The following ABCA1 variants were observed in gnomAD, a reference collection of about 807,000 sequenced individuals.
ABCA1 encodes phospholipid-transporting ATPase ABCA1.
Under a neutral mutation model 262.5 loss-of-function variants are expected in ABCA1, and 133 were observed. The observed-to-expected ratio is 0.51, with a 90% CI of 0.44 to 0.59. ABCA1 has a LOEUF of 0.59. Among genes scored for constraint, ABCA1 ranks in the 20% least tolerant of loss-of-function variants. ABCA1 has a pLI of 0.00. For synonymous variants in ABCA1, 1,022 were observed against 1,043.5 expected (o/e 0.98, Z 0.40); for missense variants, 2,452 against 2,777.5 (o/e 0.88, Z 2.63).
At chr9:104,794,353 C>A in intron 40 of ABCA1, 34 bp downstream of exon 40, 1 of 1,613,858 alleles carries the variant, frequency 6.2e-7, no homozygotes, top group East Asian at 2.2e-5. Context: ...GTGCCATCTC[C>A]ATTAAAGCAT....
chr9:104,857,574 G>T (rs1249551251), intron 7 of ABCA1, among the ~76,000 whole-genome samples: 1 of 152,168 alleles, frequency 6.6e-6, no homozygotes, highest in Non-Finnish European at 1.5e-5. Flanking sequence ...TATGAATCCT[G>T]AAGTGTGTTT....
chr9:104,810,035 A>G (rs966488708), intron 29 of ABCA1, among the ~76,000 whole-genome samples: 2 of 151,856 alleles, frequency 1.3e-5, no homozygotes, highest in African/African-American at 4.8e-5. Flanking sequence ...ATGTTCCACA[A>G]CTACGGGCAA....
intron 5 of ABCA1, among the ~76,000 whole-genome samples, chr9:104,866,594 G>A (rs952398146): frequency 4.0e-5 from 6 of 151,808 alleles, no homozygotes; most frequent in African/African-American, 1.5e-4. Context: ...CAATTCTCCT[G>A]CCTCAGCCTC....
chr9:104,817,393 AAC>A lies in ABCA1; in HGVS notation c.3472_3473del (p.Val1158PhefsTer6). The A allele has an allele frequency of 6.2e-7, 1 of 1,614,202 alleles. No homozygotes were observed. Among genetic ancestry groups the A allele is most frequent in the Non-Finnish European group, 8.5e-7 (1 of 1,180,038 alleles). Reference sequence around the variant, plus strand: ...GGCCAGCATCAGAACTGCTCTGAGAAACACTGTCCTCCTGATGGCAAAGAAGG... The same window carrying A: ...GGCCAGCATCAGAACTGCTCTGAGAAACTGTCCTCCTGATGGCAAAGAAGG... Reference protein sequence around the residue: ...TVSYLKKEDSVSQSSSDAGLG... With the variant: ...TVSYLKKEDSXSQSSSDAGLG... On this transcript the variant is annotated frameshift_variant, in exon 24 of 50. Transcript: ENST00000374736. LOFTEE classifies it high-confidence loss of function. The surrounding 1 kb of genome is among the most constrained non-coding windows in gnomAD (Gnocchi z 4.7).
intron 1 of ABCA1, among the ~76,000 whole-genome samples, chr9:104,913,679 C>T (rs879165615): frequency 6.6e-6 from 1 of 152,138 alleles, no homozygotes; most frequent in South Asian, 2.1e-4. Flanking sequence ...TATAAAACCC[C>T]CTCTTGGGGG....
chr9:104,784,385 T>C lies in ABCA1; in HGVS notation c.6716A>G (p.Gln2239Arg). The change falls in exon 50 of 50, where the codon CAG (glutamine) becomes CGG (arginine). Residue 2239 changes from glutamine to arginine, a missense_variant. By Grantham distance (43) the Gln-to-Arg change is conservative (BLOSUM62 1). Around this residue, in one of 4 missense-constraint regions of ABCA1, gnomAD observed 752 missense variants for 944.5 expected, o/e 0.80. Coordinates refer to ENST00000374736, the MANE Select transcript of ABCA1 (RefSeq NM_005502.4). Reference sequence around the variant, plus strand: ...GAGAACTGCAACGTCCACTACTGTCTGGTTTTTGTGTAATGAGAGGTCTTT... The same window carrying C: ...GAGAACTGCAACGTCCACTACTGTCCGGTTTTTGTGTAATGAGAGGTCTTT... ...HLKDLSLHKNQTVVDVAVLTS... is the reference protein window; with the variant it reads ...HLKDLSLHKNRTVVDVAVLTS... The C allele has an allele frequency of 1.9e-6, 3 of 1,614,172 alleles. No individual in the cohort carries two copies. Among genetic ancestry groups the C allele is most frequent in the Non-Finnish European group, 2.5e-6 (3 of 1,180,006 alleles).
chr9:104,878,674 A>G (rs1564231236), intron 5 of ABCA1, among the ~76,000 whole-genome samples: 1 of 152,188 alleles, frequency 6.6e-6, no homozygotes. Context: ...AGTGATTCGC[A>G]TATAGGAGAC....
intron 7 of ABCA1, among the ~76,000 whole-genome samples, chr9:104,847,686 C>T (rs1835015732): frequency 6.6e-6 from 1 of 152,236 alleles, no homozygotes; most frequent in Non-Finnish European, 1.5e-5. Context: ...AATGTGCTGT[C>T]TCTAATTGTA....
chr9:104,795,611 C>G (rs1012937920), intron 39 of ABCA1, among the ~76,000 whole-genome samples: 1 of 152,134 alleles, frequency 6.6e-6, no homozygotes. Context: ...TATATACTAT[C>G]TAAATGGAGC....
At chr9:104,877,907 C>G (rs1046305594) in intron 5 of ABCA1, among the ~76,000 whole-genome samples, 2 of 152,230 alleles carry the variant, frequency 1.3e-5, no homozygotes, top group Non-Finnish European at 2.9e-5. Context: ...ACCATATTCA[C>G]AGAAAATGTT....
intron 20 of ABCA1, among the ~76,000 whole-genome samples, chr9:104,820,312 C>A (rs1832207481): frequency 6.6e-6 from 1 of 152,184 alleles, no homozygotes; most frequent in Non-Finnish European, 1.5e-5. Flanking sequence ...TTCCAGCAGG[C>A]CTGGCCACCA....
rs1240545115 is a variant in ABCA1, at chr9:104,782,350, A to G, written c.*1965T>C. 2.0e-5 allele frequency: 3 copies of G among 152,210 alleles called. No homozygotes were observed. The highest frequency in any genetic ancestry group is 6.8e-3 in the Middle Eastern group (2 of 294). 9.4% of individuals were successfully genotyped at this position (152,210 alleles called of 1,614,324 possible). A position where few individuals can be genotyped will look rare whatever the true frequency, so the allele number is the denominator to read the frequency against. Reference sequence around the variant, plus strand: ...GCAGTGGGTTATATAATATTCTGTAAATTTAAAAAATATAGAAAGATTAAT... The same window carrying G: ...GCAGTGGGTTATATAATATTCTGTAGATTTAAAAAATATAGAAAGATTAAT... On this transcript the variant is annotated 3_prime_UTR_variant, in exon 50 of 50. Transcript: ENST00000374736.
chr9:104,883,851 T>G (rs955392877), intron 4 of ABCA1, among the ~76,000 whole-genome samples: 1 of 152,168 alleles, frequency 6.6e-6, no homozygotes, highest in African/African-American at 2.4e-5. Context: ...GGGGGACACT[T>G]ATTATGCCCA....
At chr9:104,853,230 G>T (rs1247539064) in intron 7 of ABCA1, among the ~76,000 whole-genome samples, 1 of 152,040 alleles carries the variant, frequency 6.6e-6, no homozygotes, top group Non-Finnish European at 1.5e-5. Context: ...TTTTCCCCAC[G>T]TTATTGAGAT....
Position 104,827,429 on chromosome 9 carries a change from C to T in ABCA1, c.2116-260G>A, listed in dbSNP as rs73519870. ...AGGGCTTTCTACGCATTTCAGTGGG[C>T]GAGTTTGCTCTTTGTTTCTTCAATA... On this transcript the variant is annotated intron_variant, in intron 15 of 49. Transcript: ENST00000374736. Among the ~76,000 whole-genome samples, 5,651 of 152,228 alleles carry T rather than the reference C, an allele frequency of 0.037. 375 individuals are homozygous for T. Among genetic ancestry groups the T allele is most frequent in the African/African-American group, 0.13 (5,336 of 41,520 alleles).
chr9:104,883,601 T>C (rs1361461716), intron 4 of ABCA1, among the ~76,000 whole-genome samples: 5 of 152,234 alleles, frequency 3.3e-5, no homozygotes, highest in African/African-American at 1.2e-4. Context: ...ATGAATCTGG[T>C]CTGGATTATA....
In ABCA1 at chr9:104,817,780, C is replaced by T. The variant is rs925644751; in HGVS notation, c.3463-376G>A. Reference sequence around the variant, plus strand: ...ACCACTCAAGAACCTTGTTAAAATGCACAGATTCTGATTCGGTAGGTCTGA... The same window carrying T: ...ACCACTCAAGAACCTTGTTAAAATGTACAGATTCTGATTCGGTAGGTCTGA... On this transcript the variant is annotated intron_variant, in intron 23 of 49. Transcript: ENST00000374736. This position sits in a 1 kb window ranked among gnomAD's most constrained non-coding sequence, Gnocchi z 4.7. Among the ~76,000 whole-genome samples, 12 of 152,218 alleles carry T rather than the reference C, an allele frequency of 7.9e-5. No homozygotes were observed. Among genetic ancestry groups the T allele is most frequent in the African/African-American group, 2.4e-4 (10 of 41,452 alleles).
chr9:104,818,999 G>A (rs1213017099), intron 22 of ABCA1, 116 bp from the exon 23 acceptor site: 3 of 992,752 alleles, frequency 3.0e-6, no homozygotes, highest in African/African-American at 1.6e-5. Context: ...AGACCTGGAA[G>A]CCACCTTTCA....
chr9:104,835,765 T>C (rs1833765797), intron 11 of ABCA1, among the ~76,000 whole-genome samples: 1 of 152,202 alleles, frequency 6.6e-6, no homozygotes, highest in Non-Finnish European at 1.5e-5. Flanking sequence ...TGAATGCCAT[T>C]GCCATGTTTA....
Sources: gnomAD v4.1 joint callset for allele counts (sites outside exome capture counted in the v4.1 genomes callset) on GRCh38, gnomAD v4.1.1 for gene constraint, gnomAD v4.1.1 regional missense constraint, Gnocchi (gnomAD v3.1) non-coding constraint, MANE v1.5 for transcripts, NCBI Gene and HGNC (gene_info 2026-07-23, HGNC 2026-07-21) for gene names.